The following GLIS2 variants were observed in gnomAD, a reference collection of about 807,000 sequenced individuals.
The protein encoded by GLIS2 is GLIS family zinc finger 2.
In GLIS2, 14 loss-of-function variants were observed where a neutral mutation model predicts 35.6. The ratio of observed to expected loss-of-function variants is 0.39; its 90% CI spans 0.26 to 0.61. The LOEUF (loss-of-function observed/expected upper bound fraction) is 0.61, where lower values mean the gene tolerates loss of function less well. Ranked by LOEUF, GLIS2 falls within the 20% of genes least tolerant of loss-of-function variation. GLIS2 has a pLI of 0.48. For synonymous variants in GLIS2, 368 were observed against 325.1 expected (o/e 1.13, Z -1.42); for missense variants, 675 against 713.4 (o/e 0.95, Z 0.61).
rs1235986697 is a variant in GLIS2, at chr16:4,332,286, C to T, written c.6C>T (p.His2=). 2 of 1,612,358 alleles carry T rather than the reference C, an allele frequency of 1.2e-6. No homozygotes were observed. Among genetic ancestry groups the T allele is most frequent in the South Asian group, 1.1e-5 (1 of 90,912 alleles). ...CCAACTCCGGCCCCCTCACCATGCA[C>T]TCCCTGGACGAGCCGCTCGACCTGA... M[H]SLDEPLDLKL... Residue 2 remains histidine, a synonymous_variant, in exon 2 of 7, where the codon CAC becomes CAT. Transcript: ENST00000433375. This position sits in a 1 kb window ranked among gnomAD's most constrained non-coding sequence, Gnocchi z 5.4.
At chr16:4,319,690 C>T (rs2053355749) in intron 1 of GLIS2, among the ~76,000 whole-genome samples, 1 of 152,100 alleles carries the variant, frequency 6.6e-6, no homozygotes, top group Non-Finnish European at 1.5e-5. Context: ...ACCTCTAGTA[C>T]TCTGCTGGGG....
Position 4,336,748 on chromosome 16 carries a change from T to C in GLIS2, c.799T>C (p.Tyr267His). ...HTGEKPYVCP[Y>H]EGCNKRYSNS... ...AGGTGAGAAGCCCTACGTCTGCCCCTACGAGGGCTGCAACAAGCGCTATTC... is the reference window on the plus strand; with the variant it reads ...AGGTGAGAAGCCCTACGTCTGCCCCCACGAGGGCTGCAACAAGCGCTATTC... The change falls in exon 7 of 7, where the codon TAC becomes CAC. Residue 267 changes from tyrosine to histidine, a missense_variant. Tyr to His is a moderately conservative substitution (Grantham distance 83). Coordinates refer to ENST00000433375, the MANE Select transcript of GLIS2 (RefSeq NM_032575.3). 1 of 1,607,594 alleles carries C rather than the reference T, an allele frequency of 6.2e-7. No individual in the cohort carries two copies. The highest frequency in any genetic ancestry group is 8.5e-7 in the Non-Finnish European group (1 of 1,177,488).
intron 1 of GLIS2, chr16:4,329,061 C>T (rs2053469411): frequency 6.6e-6 from 1 of 152,332 alleles, no homozygotes; most frequent in Non-Finnish European, 1.5e-5. Flanking sequence ...CTTCCTGGCT[C>T]CTGAATTCTT....
chr16:4,317,523 G>A (rs527287857), intron 1 of GLIS2, among the ~76,000 whole-genome samples: 96 of 152,204 alleles, frequency 6.3e-4, no homozygotes, highest in Middle Eastern at 3.4e-3. Context: ...CCCTCCCCAA[G>A]CCCCATTCTG....
chr16:4,338,507 G>A lies in GLIS2; in HGVS notation c.*983G>A, dbSNP rs2053585798. The A allele has an allele frequency of 6.5e-6, 1 of 152,816 alleles. No homozygotes were observed. The highest frequency in any genetic ancestry group is 2.4e-5 in the African/African-American group (1 of 41,484). The allele number at this position is 152,816 out of a possible 1,614,324, so 9.5% of individuals were successfully genotyped here. The stretch of plus-strand genomic sequence containing the variant: ...CTGGGGACGACCGACCACAGGCTGG[G>A]ACACAGCTCCTGGTCTGGGGGCTCC... On this transcript the variant is annotated 3_prime_UTR_variant, in exon 7 of 7. Coordinates refer to ENST00000433375, the MANE Select transcript of GLIS2 (RefSeq NM_032575.3).
upstream of GLIS2, chr16:4,314,831 T>G (rs1597328588): frequency 2.0e-5 from 3 of 152,418 alleles, no homozygotes; most frequent in East Asian, 5.8e-4. Context: ...CAAGGCCAAC[T>G]GCGCTGGGAA....
In GLIS2 at chr16:4,336,997, G is replaced by T; in HGVS notation, c.1048G>T (p.Gly350Trp). The T allele has an allele frequency of 6.2e-7, 1 of 1,607,280 alleles. No homozygotes were observed. Reference protein sequence around the residue: ...PAPDGGPYVSGAQIIIPNPAA... With the variant: ...PAPDGGPYVSWAQIIIPNPAA... ...CCCCGACGGCGGCCCCTATGTCAGT[G>T]GGGCCCAGATCATCATCCCCAACCC... The change falls in exon 7 of 7, where the codon GGG becomes TGG. Residue 350 changes from glycine (G) to tryptophan (W), a missense_variant. Gly to Trp is a radical substitution (Grantham distance 184, BLOSUM62 -2). This residue lies in a region of GLIS2 where 317 missense variants were observed against 283.2 expected (regional missense o/e 1.12). Coordinates refer to ENST00000433375, the MANE Select transcript of GLIS2 (RefSeq NM_032575.3).
At chr16:4,316,929 AG>A (rs1249531580) in intron 1 of GLIS2, among the ~76,000 whole-genome samples, 2 of 151,984 alleles carry the variant, frequency 1.3e-5, no homozygotes. Flanking sequence ...CGGGTGGAGG[AG>A]GGGGCGAGGC....
chr16:4,322,220 T>C (rs1473980798), intron 1 of GLIS2, among the ~76,000 whole-genome samples: 4 of 152,006 alleles, frequency 2.6e-5, no homozygotes, highest in African/African-American at 4.8e-5. Context: ...AGAGAGCAGG[T>C]GGCACTCTTC....
chr16:4,321,677 G>A (rs539813617), intron 1 of GLIS2, among the ~76,000 whole-genome samples: 2 of 152,308 alleles, frequency 1.3e-5, no homozygotes, highest in Admixed American at 6.5e-5. Context: ...GCCAGGGGCC[G>A]TGGGAACTGG....
intron 3 of GLIS2, among the ~76,000 whole-genome samples, chr16:4,334,403 A>C (rs1163607149): frequency 8.2e-5 from 12 of 146,160 alleles, no homozygotes; most frequent in Non-Finnish European, 1.5e-5. Flanking sequence ...ACGCCTGGCT[A>C]ATTTTTGTAT....
In GLIS2 at chr16:4,332,922, G is replaced by C. The variant is rs2141130951; in HGVS notation, c.173-425G>C. 6.6e-6 allele frequency among the ~76,000 whole-genome samples: 1 copy of C among 152,318 alleles called. No homozygotes were observed. The highest frequency in any genetic ancestry group is 1.9e-4 in the East Asian group (1 of 5,182). On this transcript the variant is annotated intron_variant, in intron 2 of 6. Coordinates refer to ENST00000433375, the MANE Select transcript of GLIS2 (RefSeq NM_032575.3). The surrounding 1 kb of genome is among the most constrained non-coding windows in gnomAD (Gnocchi z 5.4). ...CGAAAACCAGATTCACCGCTTGTCT[G>C]AAGGGGAAGGCTATGGGAGCAGCCC...
Position 4,334,977 on chromosome 16 carries a change from G to A in GLIS2, c.522G>A (p.Lys174=). ...LPKQLVCRWA[K]CNQLFELLQD... ...AGCAGCTGGTGTGTCGCTGGGCCAA[G>A]GTGAGTGGGGGCCAGCAAGAGTAGT... The change falls in exon 4 of 7, where the codon AAG becomes AAA. Residue 174 remains lysine (K), a splice_region_variant and synonymous_variant. Coordinates refer to ENST00000433375, the MANE Select transcript of GLIS2 (RefSeq NM_032575.3). 1.9e-6 allele frequency: 3 copies of A among 1,613,236 alleles called. No homozygotes were observed. The highest frequency in any genetic ancestry group is 2.5e-6 in the Non-Finnish European group (3 of 1,180,024).
In GLIS2 at chr16:4,320,821, C is replaced by A. The variant is rs1174931472; in HGVS notation, c.-67+4567C>A. 6.6e-6 allele frequency among the ~76,000 whole-genome samples: 1 copy of A among 152,096 alleles called. No individual in the cohort carries two copies. The highest frequency in any genetic ancestry group is 1.5e-5 in the Non-Finnish European group (1 of 68,010). On this transcript the variant is annotated intron_variant, in intron 1 of 6. Transcript: ENST00000433375. The surrounding 1 kb of genome is among the most constrained non-coding windows in gnomAD (Gnocchi z 5.6). ...TCCATTGTCCTCCCTATTCTGAAGT[C>A]CCCCCAACCCTGTGCTGGTGCTCGT...
chr16:4,315,623 C>T (rs1234081128), upstream of GLIS2, among the ~76,000 whole-genome samples: 1 of 151,596 alleles, frequency 6.6e-6, no homozygotes, highest in Non-Finnish European at 1.5e-5. Flanking sequence ...AGGCCACCTC[C>T]CGGCCGTGTC....
At chr16:4,336,302 A>C (rs548351160) in intron 6 of GLIS2, 357 of 329,182 alleles carry the variant, frequency 1.1e-3, no homozygotes, top group African/African-American at 5.0e-3. Context: ...ACCTGCCACC[A>C]CACCCAGCTA....
chr16:4,323,565 T>C (rs1391873263), intron 1 of GLIS2, among the ~76,000 whole-genome samples: 1 of 152,084 alleles, frequency 6.6e-6, no homozygotes, highest in East Asian at 1.9e-4. Context: ...TCTGTGTGAG[T>C]GTGCGTGTGT....
At chr16:4,333,301 T>C in intron 2 of GLIS2, 46 bp from the exon 3 acceptor site, 1 of 1,608,894 alleles carries the variant, frequency 6.2e-7, no homozygotes, top group Non-Finnish European at 8.5e-7. Flanking sequence ...CCTGGCCCAC[T>C]GGGACTCTAC....
Position 4,337,739 on chromosome 16 carries a change from G to C in GLIS2, c.*215G>C. The C allele has an allele frequency of 1.5e-6, 1 of 671,098 alleles. No individual in the cohort carries two copies. The highest frequency in any genetic ancestry group is 2.6e-6 in the Non-Finnish European group (1 of 386,000). The allele number at this position is 671,098 out of a possible 1,614,324, so 41.6% of individuals were successfully genotyped here. On this transcript the variant is annotated 3_prime_UTR_variant, in exon 7 of 7. Transcript: ENST00000433375. The stretch of plus-strand genomic sequence containing the variant: ...GTCATGCAGGGAGAGCTGTGCTCCT[G>C]GGTGCTGAAGCCTCGCTCCTGTCTG...
Sources: gnomAD v4.1 joint callset for allele counts (sites outside exome capture counted in the v4.1 genomes callset) on GRCh38, gnomAD v4.1.1 for gene constraint, gnomAD v4.1.1 regional missense constraint, Gnocchi (gnomAD v3.1) non-coding constraint, MANE v1.5 for transcripts, NCBI Gene and HGNC (gene_info 2026-07-23, HGNC 2026-07-21) for gene names.